ZNF670: variants seen among roughly 807,000 people sequenced by gnomAD.
ZNF670 encodes the protein zinc finger protein 670.
In ZNF670, 7 loss-of-function variants were observed where a neutral mutation model predicts 10.9. The observed-to-expected ratio is 0.64, with a 90% CI of 0.36 to 1.20. The LOEUF (loss-of-function observed/expected upper bound fraction) is 1.20, where lower values mean the gene tolerates loss of function less well. Among genes scored for constraint, ZNF670 ranks in the 50% most tolerant of loss-of-function variants. The pLI, the probability that ZNF670 is intolerant of heterozygous loss-of-function variation, is 0.02. For missense variants in ZNF670, 446 were observed against 458.6 expected (o/e 0.97, Z 0.25); for synonymous variants, 136 against 152.7 (o/e 0.89, Z 0.81).
At position 247,034,919 on chromosome 1, in the gene ZNF670, C is replaced by A. The variant is rs923712458; in HGVS notation, c.*2530G>T. On this transcript the variant is annotated 3_prime_UTR_variant, in exon 4 of 4. Transcript: ENST00000366503. ...TCAATGTGGGGTACCTTGGAAACTG[C>A]CTGCCAAACACAGGTCAAGGTGGAA... 1.3e-5 allele frequency among the ~76,000 whole-genome samples: 2 copies of A among 152,170 alleles called. No individual in the cohort carries two copies. The highest frequency in any genetic ancestry group is 4.8e-5 in the African/African-American group (2 of 41,442).
chr1:247,055,007 TG>T (rs994708623), intron 1 of ZNF670, among the ~76,000 whole-genome samples: 1 of 152,078 alleles, frequency 6.6e-6, no homozygotes, highest in African/African-American at 2.4e-5. Context: ...AGAAACTGCC[TG>T]AAAAAAATCA....
At chr1:247,073,863 T>G (rs1671192972) in intron 1 of ZNF670, among the ~76,000 whole-genome samples, 1 of 152,066 alleles carries the variant, frequency 6.6e-6, no homozygotes, top group African/African-American at 2.4e-5. Context: ...TTCCTCAGGT[T>G]TGATAACGTG....
intron 1 of ZNF670, among the ~76,000 whole-genome samples, chr1:247,053,957 A>C (rs1214937854): frequency 6.6e-6 from 1 of 152,220 alleles, no homozygotes; most frequent in African/African-American, 2.4e-5. Flanking sequence ...AAGAGTCCTG[A>C]ATTGCCAACA....
Position 247,035,636 on chromosome 1 carries a change from CT to C in ZNF670, c.*1812del. On this transcript the variant is annotated 3_prime_UTR_variant, in exon 4 of 4. Coordinates refer to ENST00000366503, the MANE Select transcript of ZNF670 (RefSeq NM_033213.5). ...ATTCATAGTAACTTACAAAACTGTA[CT>C]ATACCACATATTATATAGCTACTTA... 6.6e-6 allele frequency among the ~76,000 whole-genome samples: 1 copy of C among 152,216 alleles called. No individual in the cohort carries two copies. The highest frequency in any genetic ancestry group is 1.9e-4 in the East Asian group (1 of 5,188).
intron 1 of ZNF670, among the ~76,000 whole-genome samples, chr1:247,061,766 A>C (rs1670865061): frequency 6.6e-6 from 1 of 152,202 alleles, no homozygotes; most frequent in Non-Finnish European, 1.5e-5. Context: ...AATAGCAAAG[A>C]TATTGTAGAG....
intron 1 of ZNF670, among the ~76,000 whole-genome samples, chr1:247,073,900 A>G (rs1229004851): frequency 1.3e-5 from 2 of 152,210 alleles, no homozygotes; most frequent in Non-Finnish European, 2.9e-5. Flanking sequence ...AGAACTCAGC[A>G]AAAACAATTT....
At chr1:247,041,468 A>C (rs1265404296) in intron 1 of ZNF670, among the ~76,000 whole-genome samples, 1 of 152,232 alleles carries the variant, frequency 6.6e-6, no homozygotes, top group East Asian at 1.9e-4. Flanking sequence ...AGAAAATAGA[A>C]AATAGTCAGG....
chr1:247,042,315 A>G (rs1670331142), intron 1 of ZNF670, among the ~76,000 whole-genome samples: 1 of 152,216 alleles, frequency 6.6e-6, no homozygotes, highest in East Asian at 1.9e-4. Flanking sequence ...ATTGCGAGAG[A>G]AGACAGAACC....
intron 1 of ZNF670, among the ~76,000 whole-genome samples, chr1:247,053,478 T>G (rs2103061042): frequency 6.6e-6 from 1 of 151,874 alleles, no homozygotes; most frequent in Admixed American, 6.6e-5. Flanking sequence ...CTAAAAAAAA[T>G]ACAAAAAATT....
intron 1 of ZNF670, among the ~76,000 whole-genome samples, chr1:247,045,622 C>T (rs1021834356): frequency 1.3e-5 from 2 of 152,082 alleles, no homozygotes; most frequent in Non-Finnish European, 2.9e-5. Context: ...TTATAAACTA[C>T]CCAGTCTTAG....
intron 1 of ZNF670, among the ~76,000 whole-genome samples, chr1:247,056,825 T>A (rs1670729302): frequency 6.6e-6 from 1 of 152,058 alleles, no homozygotes; most frequent in Non-Finnish European, 1.5e-5. Context: ...GACCACTATC[T>A]CTCACCATAT....
chr1:247,055,555 G>A (rs779025479), intron 1 of ZNF670, among the ~76,000 whole-genome samples: 5 of 151,994 alleles, frequency 3.3e-5, no homozygotes, highest in Admixed American at 6.6e-5. Flanking sequence ...TTCTATACAC[G>A]CTCCTTAATA....
At chr1:247,062,135 G>A (rs1405239127) in intron 1 of ZNF670, among the ~76,000 whole-genome samples, 1 of 152,034 alleles carries the variant, frequency 6.6e-6, no homozygotes, top group Non-Finnish European at 1.5e-5. Flanking sequence ...TCTCCAACAT[G>A]CGAAAATGAG....
At chr1:247,042,357 C>T (rs979466538) in intron 1 of ZNF670, among the ~76,000 whole-genome samples, 2 of 152,162 alleles carry the variant, frequency 1.3e-5, no homozygotes, top group Non-Finnish European at 2.9e-5. Flanking sequence ...GAACATTCTG[C>T]TAGTGGTACT....
At chr1:247,070,413 G>A (rs1433724967) in intron 1 of ZNF670, among the ~76,000 whole-genome samples, 3 of 152,204 alleles carry the variant, frequency 2.0e-5, no homozygotes, top group Non-Finnish European at 4.4e-5. Context: ...AGAGCTCGCA[G>A]TGAGCCGAGA....
At chr1:247,046,465 G>A (rs550703556) in intron 1 of ZNF670, among the ~76,000 whole-genome samples, 72 of 152,288 alleles carry the variant, frequency 4.7e-4, no homozygotes, top group Non-Finnish European at 6.3e-4. Context: ...CTTGGGCCAC[G>A]GTTCCAGAGG....
intron 1 of ZNF670, among the ~76,000 whole-genome samples, chr1:247,050,264 A>G (rs1003576643): frequency 1.3e-5 from 2 of 152,120 alleles, no homozygotes; most frequent in Non-Finnish European, 2.9e-5. Flanking sequence ...TCTTTTTATC[A>G]TTACATAATG....
chr1:247,060,420 G>T lies in ZNF670; in HGVS notation c.3+18174C>A, dbSNP rs182399686. ...GAACACCTGGACATCCATACGCAAG[G>T]AAATAAAAAAGACACCTTGCAACAG... On this transcript the variant is annotated intron_variant, in intron 1 of 3. Transcript: ENST00000366503. Among the ~76,000 whole-genome samples the T allele has an allele frequency of 2.4e-3, 361 of 152,242 alleles. 1 individual carries two copies. Among genetic ancestry groups the T allele is most frequent in the African/African-American group, 8.4e-3 (348 of 41,556 alleles).
chr1:247,052,547 T>C (rs1027602110), intron 1 of ZNF670, among the ~76,000 whole-genome samples: 1 of 152,152 alleles, frequency 6.6e-6, no homozygotes, highest in African/African-American at 2.4e-5. Flanking sequence ...TGGGTTTTTT[T>C]TTCGGTGCAT....
Sources: allele counts gnomAD v4.1 joint callset (sites outside exome capture counted in the v4.1 genomes callset), GRCh38; gene constraint gnomAD v4.1.1; transcripts MANE v1.5; gene names NCBI Gene and HGNC (gene_info 2026-07-23, HGNC 2026-07-21).